GAREM1: variants seen among roughly 807,000 people sequenced by gnomAD.
GAREM1 encodes GRB2 associated regulator of MAPK1 subtype 1.
In GAREM1, 26 loss-of-function variants were observed where a neutral mutation model predicts 71.3. The ratio of observed to expected loss-of-function variants is 0.36; its 90% CI spans 0.27 to 0.51. GAREM1 has a LOEUF of 0.51. GAREM1 is among the 20% of genes least tolerant of loss of function. The pLI, the probability that GAREM1 is intolerant of heterozygous loss-of-function variation, is 0.95. For synonymous variants in GAREM1, 440 were observed against 433.2 expected, an observed-to-expected ratio of 1.02 and a Z score of -0.20; for missense variants, 1,026 against 1,103.1, an observed-to-expected ratio of 0.93 and a Z score of 0.99.
intron 1 of GAREM1, among the ~76,000 whole-genome samples, chr18:32,450,589 C>T (rs2048827069): frequency 1.3e-5 from 2 of 152,170 alleles, no homozygotes; most frequent in Admixed American, 1.3e-4. Context: ...TTCTCTAGCC[C>T]TGAATTCTCT....
At chr18:32,376,663 C>T (rs538277201) in intron 2 of GAREM1, among the ~76,000 whole-genome samples, 3 of 152,166 alleles carry the variant, frequency 2.0e-5, no homozygotes, top group African/African-American at 7.2e-5. Flanking sequence ...CATGGCAAAA[C>T]CCCATCTCTA....
chr18:32,413,319 C>A, intron 1 of GAREM1: 1 of 961,440 alleles, frequency 1.0e-6, no homozygotes, highest in South Asian at 1.6e-5. Context: ...ACCGCTTAGC[C>A]TTAAAAACAA....
At chr18:32,361,034 G>A (rs912229576) in intron 2 of GAREM1, among the ~76,000 whole-genome samples, 12 of 152,134 alleles carry the variant, frequency 7.9e-5, no homozygotes, top group Non-Finnish European at 1.6e-4. Context: ...AAAAATGATA[G>A]ACTTGATTTT....
At chr18:32,403,821 T>C (rs1439373527) in intron 1 of GAREM1, among the ~76,000 whole-genome samples, 1 of 152,238 alleles carries the variant, frequency 6.6e-6, no homozygotes, top group African/African-American at 2.4e-5. Context: ...AGGTTTGTTT[T>C]AGAGCTATGA....
chr18:32,279,011 A>T (rs2041578919), intron 4 of GAREM1, among the ~76,000 whole-genome samples: 1 of 152,166 alleles, frequency 6.6e-6, no homozygotes, highest in Non-Finnish European at 1.5e-5. Context: ...CAGGAGGGGC[A>T]AGTGGTTCTG....
intron 4 of GAREM1, among the ~76,000 whole-genome samples, chr18:32,271,856 A>G (rs2041467795): frequency 6.6e-6 from 1 of 152,124 alleles, no homozygotes; most frequent in Non-Finnish European, 1.5e-5. Flanking sequence ...TAATGAAGTG[A>G]CATTTTTCAT....
intron 4 of GAREM1, among the ~76,000 whole-genome samples, chr18:32,277,317 A>G (rs563438874): frequency 2.2e-4 from 33 of 152,364 alleles, no homozygotes; most frequent in African/African-American, 7.9e-4. Flanking sequence ...ATATGCATGC[A>G]TGTAAGCTGG....
chr18:32,318,597 C>A (rs1413328010), intron 2 of GAREM1, among the ~76,000 whole-genome samples: 1 of 152,180 alleles, frequency 6.6e-6, no homozygotes, highest in African/African-American at 2.4e-5. Context: ...AGGGTTAGTG[C>A]CACCGATGAA....
chr18:32,364,020 ATATATATGTTT>A (rs2047900670), intron 2 of GAREM1, among the ~76,000 whole-genome samples: 1 of 49,542 alleles, frequency 2.0e-5, no homozygotes, highest in African/African-American at 1.5e-4. Context: ...ATATATATAT[ATATATATGTTT>A]TTTTTTTTTT....
chr18:32,376,134 GAGAA>G (rs1294925760), intron 2 of GAREM1, among the ~76,000 whole-genome samples: 1 of 152,174 alleles, frequency 6.6e-6, no homozygotes, highest in African/African-American at 2.4e-5. Flanking sequence ...GTAAAGGTAA[GAGAA>G]AGACTTTTAA....
intron 1 of GAREM1, among the ~76,000 whole-genome samples, chr18:32,409,766 T>C (rs934330764): frequency 1.3e-5 from 2 of 152,124 alleles, no homozygotes; most frequent in Non-Finnish European, 2.9e-5. Flanking sequence ...ATTTAAAAGA[T>C]AAGATTTCTA....
At chr18:32,343,451 A>C (rs2047667046) in intron 2 of GAREM1, among the ~76,000 whole-genome samples, 1 of 151,660 alleles carries the variant, frequency 6.6e-6, no homozygotes, top group Non-Finnish European at 1.5e-5. Flanking sequence ...AGTAGCTGAG[A>C]TTACAGGCAC....
chr18:32,457,695 T>C (rs1183677196), intron 1 of GAREM1, among the ~76,000 whole-genome samples: 2 of 152,148 alleles, frequency 1.3e-5, no homozygotes, highest in Admixed American at 1.3e-4. Flanking sequence ...ACAACACTGA[T>C]AAATACAACT....
At chr18:32,290,008 T>C (rs1331196331) in intron 3 of GAREM1, among the ~76,000 whole-genome samples, 2 of 151,266 alleles carry the variant, frequency 1.3e-5, no homozygotes, top group African/African-American at 4.9e-5. Flanking sequence ...TGTGTGTAAG[T>C]TAACTGAGTG....
chr18:32,339,551 G>A (rs2047629204), intron 2 of GAREM1, among the ~76,000 whole-genome samples: 1 of 152,168 alleles, frequency 6.6e-6, no homozygotes, highest in Admixed American at 6.5e-5. Flanking sequence ...ACTGCTGTCT[G>A]GACCACCTCA....
At chr18:32,414,027 A>G (rs551320418) in intron 1 of GAREM1, among the ~76,000 whole-genome samples, 1 of 152,298 alleles carries the variant, frequency 6.6e-6, no homozygotes, top group African/African-American at 2.4e-5. Flanking sequence ...GAGGCAAGCT[A>G]TAGCCATGAG....
rs764243555 is a variant in GAREM1, at chr18:32,470,296, G to C, written c.121+12C>G. The C allele has an allele frequency of 6.6e-7, 1 of 1,522,112 alleles. No individual in the cohort carries two copies. Among genetic ancestry groups the C allele is most frequent in the East Asian group, 2.7e-5 (1 of 36,774 alleles). The allele number at this position is 1,522,112 out of a possible 1,614,324, so 94.3% of individuals were successfully genotyped here. ...CCTCGCCCGTCTGCCCCGCGCCCCA[G>C]CTGGGACTCACCGTTGTCCAGGCGC... On this transcript the variant is annotated intron_variant, in intron 1 of 5. Transcript: ENST00000269209. The surrounding 1 kb of genome is among the most constrained non-coding windows in gnomAD (Gnocchi z 4.4).
chr18:32,359,060 T>C (rs2047835108), intron 2 of GAREM1, among the ~76,000 whole-genome samples: 1 of 152,202 alleles, frequency 6.6e-6, no homozygotes, highest in Non-Finnish European at 1.5e-5. Flanking sequence ...ACTGTGATAT[T>C]TGTGTGCCAT....
chr18:32,356,138 T>C (rs1021176334), intron 2 of GAREM1, among the ~76,000 whole-genome samples: 2 of 152,204 alleles, frequency 1.3e-5, no homozygotes, highest in African/African-American at 4.8e-5. Context: ...TGAATCACCA[T>C]GAAGCAGGTC....
Sources: allele counts gnomAD v4.1 joint callset (sites outside exome capture counted in the v4.1 genomes callset), GRCh38; gene constraint gnomAD v4.1.1; non-coding constraint Gnocchi (gnomAD v3.1); transcripts MANE v1.5; gene names NCBI Gene and HGNC (gene_info 2026-07-23, HGNC 2026-07-21).